The following ZNF66 variants were observed in gnomAD, a reference collection of about 807,000 sequenced individuals.
ZNF66 encodes putative zinc finger protein 66.
ZNF66 carries 32 observed loss-of-function variants against 35.2 expected under a neutral mutation model. The observed-to-expected ratio is 0.91, with a 90% CI of 0.69 to 1.22. The LOEUF is 1.22. Ranked by LOEUF, ZNF66 falls within the 50% of genes most tolerant of loss-of-function variation. ZNF66 has a pLI of 0.00. For synonymous variants in ZNF66, 231 were observed against 181.3 expected (o/e 1.27, Z -2.20); for missense variants, 666 against 543.1 (o/e 1.23, Z -2.25).
intron 1 of ZNF66, among the ~76,000 whole-genome samples, chr19:20,777,111 G>A (rs1354354722): frequency 1.1e-5 from 1 of 91,830 alleles, no homozygotes; most frequent in Non-Finnish European, 2.0e-5. Flanking sequence ...CAAGACTCTT[G>A]TCTAAAAAAA....
chr19:20,804,494 C>T (rs1307739689), intron 3 of ZNF66, among the ~76,000 whole-genome samples: 1 of 152,138 alleles, frequency 6.6e-6, no homozygotes, highest in Non-Finnish European at 1.5e-5. Context: ...ATCCATCCAC[C>T]TTGGCCTCTC....
At position 20,807,063 on chromosome 19, in the gene ZNF66, A is replaced by G; in HGVS notation, c.1463A>G (p.Lys488Arg). The change falls in exon 4 of 4, where the codon AAG (lysine) becomes AGG (arginine). Residue 488 changes from lysine (K) to arginine (R), a missense_variant. Transcript: ENST00000344519. ...CCTTACAAATGTGAAGAATGTGGCA[A>G]GGCCTTTAAGTGCTCCTCTATTCTT... ...EKPYKCEECG[K>R]AFKCSSILTT... is the part of the protein sequence containing the mutation. The G allele has an allele frequency of 2.5e-6, 2 of 814,220 alleles. No homozygotes were observed. The highest frequency in any genetic ancestry group is 4.5e-4 in the Middle Eastern group (2 of 4,460). The allele number at this position is 814,220 out of a possible 1,614,324, so 50.4% of individuals were successfully genotyped here. A position where few individuals can be genotyped will look rare whatever the true frequency, so the allele number is the denominator to read the frequency against.
intron 2 of ZNF66, among the ~76,000 whole-genome samples, chr19:20,792,997 G>T (rs2358607): frequency 0.37 from 56,251 of 151,508 alleles, 11,141 homozygotes; most frequent in East Asian, 0.45. Context: ...AACTCAGGAG[G>T]TGAAGGTTGC....
At chr19:20,780,642 G>C (rs919753222) in intron 1 of ZNF66, among the ~76,000 whole-genome samples, 27 of 152,068 alleles carry the variant, frequency 1.8e-4, no homozygotes, top group Non-Finnish European at 3.5e-4. Flanking sequence ...GTTGGTGTTG[G>C]AGAATTGTTT....
chr19:20,792,015 C>T (rs749601331), intron 1 of ZNF66, among the ~76,000 whole-genome samples: 1 of 152,052 alleles, frequency 6.6e-6, no homozygotes. Context: ...AAAACACAGG[C>T]TCTTCCACTT....
At chr19:20,792,765 A>T in intron 2 of ZNF66, 127 bp downstream of exon 2, 1 of 638,214 alleles carries the variant, frequency 1.6e-6, no homozygotes, top group Non-Finnish European at 2.5e-6. Flanking sequence ...GAAAATCTTC[A>T]GAATTTGTTC....
At chr19:20,804,342 C>T (rs1971479100) in intron 3 of ZNF66, among the ~76,000 whole-genome samples, 1 of 152,094 alleles carries the variant, frequency 6.6e-6, no homozygotes, top group Non-Finnish European at 1.5e-5. Context: ...CTCCCAGGTT[C>T]AAGCAATTCT....
At chr19:20,783,777 T>A (rs1971264356) in intron 1 of ZNF66, among the ~76,000 whole-genome samples, 1 of 152,256 alleles carries the variant, frequency 6.6e-6, no homozygotes, top group Non-Finnish European at 1.5e-5. Flanking sequence ...AGTTGTACCT[T>A]GTTTTCTATT....
intron 3 of ZNF66, among the ~76,000 whole-genome samples, chr19:20,796,967 CAG>C (rs1207723294): frequency 6.6e-6 from 1 of 152,036 alleles, no homozygotes; most frequent in African/African-American, 2.4e-5. Flanking sequence ...TCTCATGCCT[CAG>C]TCTCTCAAGT....
chr19:20,801,357 T>TTATTTTA (rs1555783379), intron 3 of ZNF66, among the ~76,000 whole-genome samples: 1 of 152,064 alleles, frequency 6.6e-6, no homozygotes, highest in Admixed American at 6.6e-5. Context: ...TTATTTTATT[T>TTATTTTA]TTTGAGATGG....
At chr19:20,779,323 A>C (rs1971224261) in intron 1 of ZNF66, among the ~76,000 whole-genome samples, 1 of 152,114 alleles carries the variant, frequency 6.6e-6, no homozygotes, top group Admixed American at 6.6e-5. Flanking sequence ...TTTTTTAGGG[A>C]GAGGTAAACA....
Position 20,805,126 on chromosome 19 carries a change from TGAGAGAGAGAGA to T in ZNF66, c.227-687_227-676del, listed in dbSNP as rs60295293. ...TTACATTTGTGTGTGTGTGTGTGTG[TGAGAGAGAGAGA>T]GAGAGAGAGAGAGTCTCGCCCTGTT... On this transcript the variant is annotated intron_variant, in intron 3 of 3. Transcript: ENST00000344519. Among the ~76,000 whole-genome samples, 19 of 146,078 alleles carry T rather than the reference TGAGAGAGAGAGA, an allele frequency of 1.3e-4. No homozygotes were observed. The Admixed American group carries it at 1.3e-3, about 10-fold the overall frequency.
At chr19:20,797,442 G>A (rs1403088736) in intron 3 of ZNF66, among the ~76,000 whole-genome samples, 3 of 124,332 alleles carry the variant, frequency 2.4e-5, no homozygotes, top group South Asian at 4.9e-4. Flanking sequence ...TCCTGACCTC[G>A]TGATCCGCCC....
chr19:20,783,595 G>A (rs1167464934), intron 1 of ZNF66, among the ~76,000 whole-genome samples: 2 of 152,098 alleles, frequency 1.3e-5, no homozygotes, highest in East Asian at 1.9e-4. Context: ...CAGAAGCATA[G>A]CACAAAGATA....
rs533538118 is a variant in ZNF66 at position 20,776,376 on chromosome 19, T to C, written c.-72T>C. On this transcript the variant is annotated 5_prime_UTR_variant, in exon 1 of 4. Coordinates refer to ENST00000344519, the MANE Select transcript of ZNF66 (RefSeq NM_001355197.2). Reference sequence around the variant, plus strand: ...GTCTTCTTCTCCTAGAGGCCCAGCCTCTGTGGCCCTGTGTCCTGCAGGTAT... The same window carrying C: ...GTCTTCTTCTCCTAGAGGCCCAGCCCCTGTGGCCCTGTGTCCTGCAGGTAT... The C allele has an allele frequency of 1.2e-5, 18 of 1,521,996 alleles. No individual in the cohort carries two copies. The highest frequency in any genetic ancestry group is 1.6e-5 in the Non-Finnish European group (18 of 1,098,546). The allele number at this position is 1,521,996 out of a possible 1,614,324, so 94.3% of individuals were successfully genotyped here.
In ZNF66 at chr19:20,776,342, C is replaced by A; in HGVS notation, c.-106C>A. The A allele has an allele frequency of 6.8e-7, 1 of 1,477,678 alleles. No homozygotes were observed. The highest frequency in any genetic ancestry group is 1.1e-5 in the South Asian group (1 of 88,258). 91.5% of individuals were successfully genotyped at this position (1,477,678 alleles called of 1,614,324 possible). ...GCTGGAGCTCCAGGTCGTCTGTTCACTGCTCTCTGTCTTCTTCTCCTAGAG... is the reference window on the plus strand; with the variant it reads ...GCTGGAGCTCCAGGTCGTCTGTTCAATGCTCTCTGTCTTCTTCTCCTAGAG... On this transcript the variant is annotated 5_prime_UTR_variant, in exon 1 of 4. In the 5' UTR this introduces an upstream ATG that the reference lacks. Coordinates refer to ENST00000344519, the MANE Select transcript of ZNF66 (RefSeq NM_001355197.2).
Position 20,807,312 on chromosome 19 carries a change from C to A in ZNF66, c.1712C>A (p.Ala571Glu). Residue 571 changes from alanine to glutamate, a missense_variant, in exon 4 of 4, where the codon GCA becomes GAA. Transcript: ENST00000344519. ...GGNPYKCENV[A>E]KP ...AATCCCTACAAATGTGAAAATGTGG[C>A]AAAGCCTTAGACACTCCTCTACCCT... is the stretch of plus-strand genomic sequence containing the variant. 1 of 642,632 alleles carries A rather than the reference C, an allele frequency of 1.6e-6. No homozygotes were observed. Among genetic ancestry groups the A allele is most frequent in the Non-Finnish European group, 2.8e-6 (1 of 356,620 alleles). 39.8% of individuals were successfully genotyped at this position (642,632 alleles called of 1,614,324 possible).
chr19:20,803,732 C>T (rs1971473258), intron 3 of ZNF66, among the ~76,000 whole-genome samples: 1 of 150,632 alleles, frequency 6.6e-6, no homozygotes, highest in Admixed American at 6.6e-5. Flanking sequence ...ATGTTATTTT[C>T]AGTGGAGGAA....
chr19:20,798,618 G>C (rs555320471), intron 3 of ZNF66, among the ~76,000 whole-genome samples: 3 of 152,072 alleles, frequency 2.0e-5, no homozygotes, highest in Non-Finnish European at 4.4e-5. Flanking sequence ...CATGCAAAAG[G>C]CTTCTAGAAA....
Sources: allele counts gnomAD v4.1 joint callset (sites outside exome capture counted in the v4.1 genomes callset), GRCh38; gene constraint gnomAD v4.1.1; transcripts MANE v1.5; gene names NCBI Gene and HGNC (gene_info 2026-07-23, HGNC 2026-07-21).